The following CNTN5 variants were observed in gnomAD, a reference collection of about 807,000 sequenced individuals.
The protein encoded by CNTN5 is contactin 5.
CNTN5 carries 77 observed loss-of-function variants against 129.1 expected under a neutral mutation model. That is an observed-to-expected ratio of 0.60 (90% confidence interval 0.50 to 0.72). The LOEUF is 0.72. Ranked by LOEUF, CNTN5 falls within the 30% of genes least tolerant of loss-of-function variation. The pLI is 0.00. For synonymous variants in CNTN5, 509 were observed against 465.6 expected (o/e 1.09, Z -1.20); for missense variants, 1,478 against 1,328.8 (o/e 1.11, Z -1.75).
intron 3 of CNTN5, among the ~76,000 whole-genome samples, chr11:99,810,633 A>G (rs567689737): frequency 1.7e-4 from 26 of 152,268 alleles, no homozygotes; most frequent in Non-Finnish European, 1.5e-5. Context: ...AATGATGCAC[A>G]TTATTTGTAA....
intron 9 of CNTN5, among the ~76,000 whole-genome samples, chr11:100,059,272 G>C (rs1445375909): frequency 6.6e-6 from 1 of 152,020 alleles, no homozygotes; most frequent in African/African-American, 2.4e-5. Flanking sequence ...ATTTTAAAAT[G>C]ATACAAAATG....
At chr11:100,090,956 A>G (rs1005516752) in intron 13 of CNTN5, among the ~76,000 whole-genome samples, 2 of 152,050 alleles carry the variant, frequency 1.3e-5, no homozygotes, top group African/African-American at 4.8e-5. Flanking sequence ...CAGAGTTTTA[A>G]TTTTAGAAAA....
intron 1 of CNTN5, among the ~76,000 whole-genome samples, chr11:99,281,755 G>T (rs1228485563): frequency 1.3e-5 from 2 of 151,598 alleles, no homozygotes; most frequent in African/African-American, 4.8e-5. Context: ...TATATGTTTT[G>T]TTGACTAATA....
At chr11:100,150,752 G>A (rs747284533) in intron 13 of CNTN5, among the ~76,000 whole-genome samples, 16 of 151,958 alleles carry the variant, frequency 1.1e-4, no homozygotes, top group South Asian at 2.1e-4. Context: ...CCTGTTCTTC[G>A]TGAGGAAAAA....
chr11:99,901,679 A>T (rs896025545), intron 6 of CNTN5, among the ~76,000 whole-genome samples: 3 of 152,188 alleles, frequency 2.0e-5, no homozygotes, highest in Non-Finnish European at 4.4e-5. Flanking sequence ...TTATTCATTC[A>T]GGAATATCTA....
At chr11:99,573,548 C>A (rs576402328) in intron 3 of CNTN5, among the ~76,000 whole-genome samples, 49 of 150,526 alleles carry the variant, frequency 3.3e-4, no homozygotes, top group African/African-American at 1.1e-3. Flanking sequence ...CCAGCCTGGG[C>A]GACAGACAGA....
chr11:99,058,829 A>C (rs11218250), intron 1 of CNTN5, among the ~76,000 whole-genome samples: 65,688 of 151,514 alleles, frequency 0.43, 14,585 homozygotes, highest in Middle Eastern at 0.54. Context: ...GCTCAGAAAG[A>C]TAATGAGTTC....
At chr11:99,673,191 CAGAG>C (rs764731049) in intron 3 of CNTN5, among the ~76,000 whole-genome samples, 1 of 152,136 alleles carries the variant, frequency 6.6e-6, no homozygotes, top group African/African-American at 2.4e-5. Context: ...TTACAGATCT[CAGAG>C]AGAGGATGGA....
chr11:100,342,128 CTACTG>C (rs199531557), intron 23 of CNTN5, among the ~76,000 whole-genome samples: 1,582 of 143,780 alleles, frequency 0.011, 27 homozygotes, highest in African/African-American at 0.04. Flanking sequence ...CATTTGTTAC[CTACTG>C]TAATTAGGAT....
At chr11:99,531,971 G>GTGT (rs1947726070) in intron 2 of CNTN5, among the ~76,000 whole-genome samples, 2 of 152,070 alleles carry the variant, frequency 1.3e-5, no homozygotes, top group African/African-American at 4.8e-5. Context: ...AGTCCCTTCT[G>GTGT]GGGCACTGCT....
intron 3 of CNTN5, among the ~76,000 whole-genome samples, chr11:99,663,710 C>A (rs1255743361): frequency 6.6e-6 from 1 of 152,098 alleles, no homozygotes; most frequent in Non-Finnish European, 1.5e-5. Flanking sequence ...GCTCTTTGCT[C>A]TTTCTCTCAA....
At chr11:100,172,641 C>G (rs1947858417) in intron 13 of CNTN5, among the ~76,000 whole-genome samples, 1 of 151,912 alleles carries the variant, frequency 6.6e-6, no homozygotes, top group South Asian at 2.1e-4. Flanking sequence ...CAGGAAAAGT[C>G]TTACAGAAGT....
intron 18 of CNTN5, among the ~76,000 whole-genome samples, chr11:100,296,587 G>A (rs965081644): frequency 2.6e-5 from 4 of 151,516 alleles, no homozygotes; most frequent in Admixed American, 6.6e-5. Flanking sequence ...ATACTGAAAC[G>A]TAGACCCTGA....
At chr11:100,241,403 AC>A (rs1949738957) in intron 16 of CNTN5, among the ~76,000 whole-genome samples, 1 of 152,166 alleles carries the variant, frequency 6.6e-6, no homozygotes, top group Non-Finnish European at 1.5e-5. Flanking sequence ...TGATTAATTT[AC>A]CTTTCACCTG....
chr11:99,037,576 C>CTTTTTTTT (rs1161467398), intron 1 of CNTN5, among the ~76,000 whole-genome samples: 13 of 105,654 alleles, frequency 1.2e-4, no homozygotes, highest in African/African-American at 3.5e-4. Context: ...TTTTTCTTTT[C>CTTTTTTTT]TTTTTTTTTT....
At chr11:99,492,386 T>C (rs945389934) in intron 2 of CNTN5, among the ~76,000 whole-genome samples, 21 of 152,326 alleles carry the variant, frequency 1.4e-4, no homozygotes, top group African/African-American at 4.8e-4. Flanking sequence ...ACTGGAAGAA[T>C]TTATTTTTTC....
chr11:99,186,192 C>A (rs1858342979), intron 1 of CNTN5, among the ~76,000 whole-genome samples: 1 of 151,770 alleles, frequency 6.6e-6, no homozygotes, highest in Non-Finnish European at 1.5e-5. Context: ...GTAGATTTTT[C>A]TCTGATTTTA....
At chr11:99,913,305 T>C (rs1949708620) in intron 6 of CNTN5, among the ~76,000 whole-genome samples, 1 of 152,034 alleles carries the variant, frequency 6.6e-6, no homozygotes, top group African/African-American at 2.4e-5. Context: ...AGATCAACCA[T>C]CATCTTGCTT....
At chr11:100,289,696 G>A (rs1182797181) in intron 18 of CNTN5, among the ~76,000 whole-genome samples, 1 of 150,924 alleles carries the variant, frequency 6.6e-6, no homozygotes, top group East Asian at 1.9e-4. Flanking sequence ...TTGAAAACTG[G>A]CACAAGACAG....
Sources: allele counts gnomAD v4.1 joint callset (sites outside exome capture counted in the v4.1 genomes callset), GRCh38; gene constraint gnomAD v4.1.1; transcripts MANE v1.5; gene names NCBI Gene and HGNC (gene_info 2026-07-23, HGNC 2026-07-21).